Variants in SLC9A6 observed in about 807,000 individuals in gnomAD.
SLC9A6 encodes sodium/hydrogen exchanger 6.
SLC9A6 carries 6 observed loss-of-function variants against 45.3 expected under a neutral mutation model. That is an observed-to-expected ratio of 0.13 (90% CI 0.07 to 0.26). The LOEUF (loss-of-function observed/expected upper bound fraction) is 0.26. Among genes scored for constraint, SLC9A6 ranks in the 10% least tolerant of loss-of-function variants. The pLI is 1.00. For synonymous variants in SLC9A6, 191 were observed against 187.7 expected (o/e 1.02, Z -0.14); for missense variants, 278 against 503.7 (o/e 0.55, Z 4.29).
rs1318578068 is a variant in SLC9A6, at chrX:136,042,337, G to C, written c.1768-2115G>C. Among the ~76,000 whole-genome samples the C allele has an allele frequency of 5.4e-5, 6 of 110,609 alleles. No individual in the cohort carries two copies. The Admixed American group carries it at 5.8e-4, about 11-fold the overall frequency. ...TTACAGGTGTGCACCACCACACCCA[G>C]CTCATTTTTCTGTATTTTTTAGTAG... is the stretch of plus-strand genomic sequence containing the variant. On this transcript the variant is annotated intron_variant, in intron 17 of 17. Transcript: ENST00000630721.
rs7886522 is a variant in SLC9A6, at chrX:136,004,340, C to T, written c.743+2127C>T. 6.0e-3 allele frequency among the ~76,000 whole-genome samples: 664 copies of T among 110,126 alleles called. 5 individuals carry two copies. The highest frequency in any genetic ancestry group is 0.021 in the African/African-American group (629 of 30,255). ...CTGACCTTAGGTGATCCACCTGCCT[C>T]GGCCTCCCCAAGTGCTAGAATTACA... is the stretch of plus-strand genomic sequence containing the variant. On this transcript the variant is annotated intron_variant, in intron 7 of 17. Coordinates refer to ENST00000630721, the MANE Select transcript of SLC9A6 (RefSeq NM_001379110.1).
chrX:136,002,328 A>ATT (rs2089594957), intron 7 of SLC9A6, 115 bp downstream of exon 7: 1 of 566,152 alleles, frequency 1.8e-6, no homozygotes, highest in Non-Finnish European at 3.0e-6. Flanking sequence ...AGAATGAGGC[A>ATT]TTTTTTTCCC....
rs2071273100 is a variant in SLC9A6 at position 136,028,993 on chromosome X, A to C, written c.1550+18A>C. The C allele has an allele frequency of 3.4e-6, 1 of 293,927 alleles. No homozygotes were observed. The highest frequency in any genetic ancestry group is 5.9e-6 in the Non-Finnish European group (1 of 169,105). 24.2% of individuals were successfully genotyped at this position (293,927 alleles called of 1,213,427 possible). A position where few individuals can be genotyped will look rare whatever the true frequency, so the allele number is the denominator to read the frequency against. ...ACTGACAGGTAAATAACTATACTCT[A>C]CTGTGCTAAGTATCATAATAAAGGA... On this transcript the variant is annotated intron_variant, in intron 14 of 17. Coordinates refer to ENST00000630721, the MANE Select transcript of SLC9A6 (RefSeq NM_001379110.1).
At chrX:136,024,794 A>C (rs1484180596) in intron 13 of SLC9A6, among the ~76,000 whole-genome samples, 1 of 111,681 alleles carries the variant, frequency 9.0e-6, no homozygotes, top group Non-Finnish European at 1.9e-5. Flanking sequence ...TACATTGTAA[A>C]TATATTTACA....
At chrX:136,044,334 C>T in intron 17 of SLC9A6, 118 bp from the exon 18 acceptor site, 1 of 599,114 alleles carries the variant, frequency 1.7e-6, no homozygotes, top group Non-Finnish European at 2.8e-6. Flanking sequence ...TAGACTTTAT[C>T]CTGAGGGCAG....
chrX:135,993,479 A>G (rs1556616034), intron 2 of SLC9A6, among the ~76,000 whole-genome samples: 2 of 112,289 alleles, frequency 1.8e-5, no homozygotes, highest in Non-Finnish European at 1.9e-5. Context: ...CTAAACAATT[A>G]TAGTCGATCA....
Position 136,046,782 on chromosome X carries a change from G to C in SLC9A6, c.*2058G>C, listed in dbSNP as rs953553182. 1 of 112,024 alleles carries C rather than the reference G, an allele frequency of 8.9e-6. No individual in the cohort carries two copies. The highest frequency in any genetic ancestry group is 1.9e-5 in the Non-Finnish European group (1 of 53,184). 9.2% of individuals were successfully genotyped at this position (112,024 alleles called of 1,213,427 possible). On this transcript the variant is annotated 3_prime_UTR_variant, in exon 18 of 18. Transcript: ENST00000630721. ...AATCTGTGTACACATCTCCAAGCAA[G>C]GAAGAAAAAACAAACTCTGCTCAGA...
intron 14 of SLC9A6, among the ~76,000 whole-genome samples, 185 bp downstream of exon 14, chrX:136,029,160 A>G (rs1282697918): frequency 9.0e-6 from 1 of 111,274 alleles, no homozygotes; most frequent in East Asian, 2.8e-4. Context: ...GAGCAAAGGC[A>G]TGGGAGGCAC....
Position 136,022,586 on chromosome X carries a change from G to T in SLC9A6, c.1195G>T (p.Val399Phe). Reference protein sequence around the residue: ...FNPTFVVGAFVAIFLGRAANI... With the variant: ...FNPTFVVGAFFAIFLGRAANI... ...ATCCTTAACCTATTAATAATTTTAGGTTGCTATTTTCTTGGGAAGAGCTGC... is the reference window on the plus strand; with the variant it reads ...ATCCTTAACCTATTAATAATTTTAGTTTGCTATTTTCTTGGGAAGAGCTGC... Residue 399 changes from valine to phenylalanine, a missense_variant and splice_region_variant, in exon 12 of 18, where the codon GTT (valine) becomes TTT (phenylalanine). Val to Phe is a conservative substitution (Grantham distance 50). Around this residue, in one of 5 missense-constraint regions of SLC9A6, gnomAD observed 41 missense variants for 51.8 expected, o/e 0.79. Transcript: ENST00000630721. 1 of 1,133,178 alleles carries T rather than the reference G, an allele frequency of 8.8e-7. No homozygotes were observed. 93.4% of individuals were successfully genotyped at this position (1,133,178 alleles called of 1,213,427 possible).
At chrX:136,001,268 C>T (rs782161278) in intron 6 of SLC9A6, among the ~76,000 whole-genome samples, 111 of 92,757 alleles carry the variant, frequency 1.2e-3, no homozygotes, top group African/African-American at 4.3e-3. Context: ...ACCCGGGAGG[C>T]GGGGCTTGCA....
intron 16 of SLC9A6, among the ~76,000 whole-genome samples, chrX:136,038,724 AG>A (rs1408543812): frequency 9.3e-6 from 1 of 107,834 alleles, no homozygotes; most frequent in Non-Finnish European, 1.9e-5. Context: ...AGGACTATCT[AG>A]GTTTTTTTTT....
At chrX:136,022,803 T>A in intron 12 of SLC9A6, 106 bp downstream of exon 12, 1 of 400,778 alleles carries the variant, frequency 2.5e-6, no homozygotes. Flanking sequence ...AATACTCCTT[T>A]ATTTTTATAT....
At chrX:136,038,163 A>G (rs782242385) in intron 16 of SLC9A6, among the ~76,000 whole-genome samples, 3 of 111,547 alleles carry the variant, frequency 2.7e-5, no homozygotes, top group African/African-American at 9.8e-5. Context: ...GATGTTAGCT[A>G]TACGTTTTTG....
At chrX:136,024,683 C>T (rs1308097303) in intron 13 of SLC9A6, among the ~76,000 whole-genome samples, 200 bp downstream of exon 13, 10 of 111,641 alleles carry the variant, frequency 9.0e-5, no homozygotes, top group Non-Finnish European at 1.7e-4. Flanking sequence ...GGATATCTTT[C>T]CAGATCTTTT....
At chrX:135,989,924 T>C (rs1473842647) in intron 2 of SLC9A6, among the ~76,000 whole-genome samples, 5 of 111,015 alleles carry the variant, frequency 4.5e-5, no homozygotes, top group African/African-American at 1.6e-4. Context: ...TTGTTTTTGT[T>C]TTGAGACGCG....
chrX:135,982,940 G>T (rs2089293797), upstream of SLC9A6, among the ~76,000 whole-genome samples: 1 of 112,030 alleles, frequency 8.9e-6, no homozygotes, highest in African/African-American at 3.2e-5. Flanking sequence ...CTGGTGAGTT[G>T]TCTATATGAG....
upstream of SLC9A6, among the ~76,000 whole-genome samples, chrX:135,984,185 T>C (rs1263313133): frequency 9.0e-6 from 1 of 111,371 alleles, no homozygotes; most frequent in Non-Finnish European, 1.9e-5. Context: ...GGAGGTTATA[T>C]GGCCATGAGA....
At position 136,024,376 on chromosome X, in the gene SLC9A6, C is replaced by G; in HGVS notation, c.1353C>G (p.Ala451=). The change falls in exon 13 of 18, where the codon GCC becomes GCG. Residue 451 remains alanine, a synonymous_variant. Coordinates refer to ENST00000630721, the MANE Select transcript of SLC9A6 (RefSeq NM_001379110.1). ...MAFALAIRDT[A]TYARQMMFST... is the part of the protein sequence containing the mutation. ...TTGCCTTGGCCATTCGAGATACTGC[C>G]ACTTATGCACGGCAAATGATGTTCA... The G allele has an allele frequency of 8.3e-7, 1 of 1,210,779 alleles. No homozygotes were observed. Among genetic ancestry groups the G allele is most frequent in the Non-Finnish European group, 1.1e-6 (1 of 894,809 alleles).
At chrX:135,975,841 G>A (rs1295726898) in intron 1 of SLC9A6, among the ~76,000 whole-genome samples, 2 of 110,830 alleles carry the variant, frequency 1.8e-5, no homozygotes, top group African/African-American at 6.6e-5. Context: ...GCTGGGCATA[G>A]TAGCACATGC....
Sources: gnomAD v4.1 joint callset for allele counts (sites outside exome capture counted in the v4.1 genomes callset) on GRCh38, gnomAD v4.1.1 for gene constraint, gnomAD v4.1.1 regional missense constraint, MANE v1.5 for transcripts, NCBI Gene and HGNC (gene_info 2026-07-23, HGNC 2026-07-21) for gene names.